Variants in CACNA1A observed in about 807,000 individuals in gnomAD.
CACNA1A encodes voltage-dependent P/Q-type calcium channel subunit alpha-1A.
A neutral mutation model predicts 262.4 loss-of-function variants in CACNA1A; 57 were observed. The observed-to-expected ratio is 0.22, with a 90% CI of 0.18 to 0.27. The LOEUF is 0.27. Ranked by LOEUF, CACNA1A falls within the 10% of genes least tolerant of loss-of-function variation. CACNA1A has a pLI of 1.00. For synonymous variants in CACNA1A, 1,431 were observed against 1,419.3 expected, an observed-to-expected ratio of 1.01 and a Z score of -0.18; for missense variants, 2,526 against 3,562.8, an observed-to-expected ratio of 0.71 and a Z score of 7.41.
At chr19:13,411,227 A>T (rs1002409023) in intron 3 of CACNA1A, among the ~76,000 whole-genome samples, 5 of 152,158 alleles carry the variant, frequency 3.3e-5, no homozygotes, top group Non-Finnish European at 7.4e-5. Context: ...TAATCTGCCC[A>T]CCTAGTCAGT....
At chr19:13,505,726 T>C (rs567318053) in intron 1 of CACNA1A, among the ~76,000 whole-genome samples, 48 of 139,468 alleles carry the variant, frequency 3.4e-4, no homozygotes, top group Middle Eastern at 3.7e-3. Context: ...CACAAACCCA[T>C]TCCCAAGCCT....
At chr19:13,408,047 T>C (rs914681725) in intron 3 of CACNA1A, among the ~76,000 whole-genome samples, 1 of 152,150 alleles carries the variant, frequency 6.6e-6, no homozygotes, top group Non-Finnish European at 1.5e-5. Flanking sequence ...GATTGCAAGT[T>C]TCCTGTGGCC....
Position 13,212,720 on chromosome 19 carries a change from G to A in CACNA1A, c.5961C>T (p.Phe1987=). The stretch of plus-strand genomic sequence containing the variant: ...TTGGGGACGGGGGCTCCATGCGCTG[G>A]AACATGAGGGGTGTCCGGTCCTGGG... ...REEQDRTPLM[F]QRMEPPSPTQ... The change falls in exon 41 of 47, where the codon TTC becomes TTT. Residue 1987 remains phenylalanine (F), a synonymous_variant. Transcript: ENST00000360228. This position sits in a 1 kb window ranked among gnomAD's most constrained non-coding sequence, Gnocchi z 5.6. 6.6e-7 allele frequency: 1 copy of A among 1,506,244 alleles called. No individual in the cohort carries two copies. The highest frequency in any genetic ancestry group is 8.9e-7 in the Non-Finnish European group (1 of 1,128,208). The allele number at this position is 1,506,244 out of a possible 1,614,324, so 93.3% of individuals were successfully genotyped here. A position where few individuals can be genotyped will look rare whatever the true frequency, so the allele number is the denominator to read the frequency against.
At chr19:13,281,275 G>C (rs1052863166) in intron 22 of CACNA1A, among the ~76,000 whole-genome samples, 1 of 151,758 alleles carries the variant, frequency 6.6e-6, no homozygotes, top group East Asian at 1.9e-4. Flanking sequence ...CTACCTGGGG[G>C]GCTGAGGTGG....
At chr19:13,433,742 A>C (rs1240175974) in intron 3 of CACNA1A, among the ~76,000 whole-genome samples, 1 of 152,180 alleles carries the variant, frequency 6.6e-6, no homozygotes, top group African/African-American at 2.4e-5. Flanking sequence ...AGCACCCAGC[A>C]GAACAAGAGC....
At chr19:13,240,758 G>A (rs2056056246) in intron 31 of CACNA1A, among the ~76,000 whole-genome samples, 1 of 125,286 alleles carries the variant, frequency 8.0e-6, no homozygotes, top group Non-Finnish European at 1.7e-5. Context: ...TCTGTGTGCA[G>A]TGACTGTGTG....
intron 36 of CACNA1A, chr19:13,229,009 C>T (rs1357714218): frequency 3.1e-6 from 1 of 327,484 alleles, no homozygotes; most frequent in Non-Finnish European, 5.6e-6. Context: ...GGGCACCTCC[C>T]CTGGGGCTCT....
In CACNA1A at chr19:13,235,215, C is replaced by T. The variant is rs1390284246; in HGVS notation, c.5127G>A (p.Gly1709=). ...TTAGGGACACGACACTCACCTGCAT[C>T]CCAATGATGGCATAGATGAAGAAGA... ...AMLFFIYAII[G]MQVFGNIGID... Residue 1709 remains glycine (G), a synonymous_variant, in exon 33 of 47, where the codon GGG becomes GGA. Coordinates refer to ENST00000360228, the MANE Select transcript of CACNA1A (RefSeq NM_001127222.2). 3.1e-6 allele frequency: 5 copies of T among 1,606,250 alleles called. No homozygotes were observed. Among genetic ancestry groups the T allele is most frequent in the Non-Finnish European group, 4.3e-6 (5 of 1,176,288 alleles).
At chr19:13,288,059 T>C (rs2057445803) in intron 19 of CACNA1A, among the ~76,000 whole-genome samples, 1 of 152,056 alleles carries the variant, frequency 6.6e-6, no homozygotes, top group Non-Finnish European at 1.5e-5. Context: ...CTCCTCGGCC[T>C]CCTAAAATGT....
At chr19:13,463,358 C>A (rs2061161350) in intron 1 of CACNA1A, among the ~76,000 whole-genome samples, 1 of 152,150 alleles carries the variant, frequency 6.6e-6, no homozygotes, top group Admixed American at 6.5e-5. Context: ...CTCCAGTTCC[C>A]AGACATGGGC....
chr19:13,474,971 G>A (rs964084694), intron 1 of CACNA1A, among the ~76,000 whole-genome samples: 4 of 152,174 alleles, frequency 2.6e-5, no homozygotes, highest in Non-Finnish European at 5.9e-5. Context: ...TAATCTCCTC[G>A]AAGGAGAAGT....
At chr19:13,411,894 T>G (rs1052955525) in intron 3 of CACNA1A, among the ~76,000 whole-genome samples, 1 of 152,058 alleles carries the variant, frequency 6.6e-6, no homozygotes, top group Non-Finnish European at 1.5e-5. Context: ...AAATTTTTTT[T>G]TGTAGAGACA....
chr19:13,453,107 A>G, intron 2 of CACNA1A, 92 bp from the exon 3 acceptor site: 2 of 1,315,604 alleles, frequency 1.5e-6, no homozygotes, highest in Non-Finnish European at 2.2e-6. Flanking sequence ...AGTACCTATC[A>G]CCCTCTCACT....
rs370701230 is a variant in CACNA1A at position 13,429,815 on chromosome 19, A to G, written c.539+23061T>C. Among the ~76,000 whole-genome samples, 20 of 151,902 alleles carry G rather than the reference A, an allele frequency of 1.3e-4. No individual in the cohort carries two copies. In the East Asian group the frequency reaches 1.9e-3, roughly 15 times the overall value. ...AGAAGGAAATTCTGACTCATGCTACAATATGGATGAGACTGGAGGACATTA... is the reference window on the plus strand; with the variant it reads ...AGAAGGAAATTCTGACTCATGCTACGATATGGATGAGACTGGAGGACATTA... On this transcript the variant is annotated intron_variant, in intron 3 of 46. Coordinates refer to ENST00000360228, the MANE Select transcript of CACNA1A (RefSeq NM_001127222.2).
intron 40 of CACNA1A, chr19:13,213,894 C>G (rs1203217997): frequency 4.0e-6 from 1 of 249,020 alleles, no homozygotes; most frequent in African/African-American, 2.3e-5. Flanking sequence ...CTATGTTGCC[C>G]AGACTGGTCT....
intron 31 of CACNA1A, among the ~76,000 whole-genome samples, chr19:13,237,889 A>G (rs1192714642): frequency 6.6e-6 from 1 of 152,186 alleles, no homozygotes; most frequent in African/African-American, 2.4e-5. Flanking sequence ...GGGGCGGATC[A>G]TAACATGTGG....
At chr19:13,283,430 T>A in intron 21 of CACNA1A, 34 bp from the exon 22 acceptor site, 1 of 1,613,214 alleles carries the variant, frequency 6.2e-7, no homozygotes, top group African/African-American at 1.3e-5. Flanking sequence ...AGAGGTCCAC[T>A]CAGACCACAG....
intron 4 of CACNA1A, 94 bp from the exon 5 acceptor site, chr19:13,365,563 G>T: frequency 8.6e-7 from 1 of 1,169,268 alleles, no homozygotes; most frequent in African/African-American, 1.6e-5. Context: ...GACAAAGCAG[G>T]TGTGTTCCTG....
At position 13,317,162 on chromosome 19, in the gene CACNA1A, C is replaced by T. The variant is rs756367468; in HGVS notation, c.1505G>A (p.Cys502Tyr). ...VLSLVALNTL[C>Y]VAIVHYNQPE... ...CTGGTTGTAGTGAACAATAGCAACACACAGCGTGTTGAGAGCTACCAAACT... is the reference window on the plus strand; with the variant it reads ...CTGGTTGTAGTGAACAATAGCAACATACAGCGTGTTGAGAGCTACCAAACT... The change falls in exon 11 of 47, where the codon TGT (cysteine) becomes TAT (tyrosine). Residue 502 changes from cysteine (C) to tyrosine (Y), a missense_variant. Coordinates refer to ENST00000360228, the MANE Select transcript of CACNA1A (RefSeq NM_001127222.2). 6.2e-7 allele frequency: 1 copy of T among 1,613,188 alleles called. No homozygotes were observed. The highest frequency in any genetic ancestry group is 8.5e-7 in the Non-Finnish European group (1 of 1,179,294).
Sources: gnomAD v4.1 joint callset for allele counts (sites outside exome capture counted in the v4.1 genomes callset) on GRCh38, gnomAD v4.1.1 for gene constraint, Gnocchi (gnomAD v3.1) non-coding constraint, MANE v1.5 for transcripts, NCBI Gene and HGNC (gene_info 2026-07-23, HGNC 2026-07-21) for gene names.